FSHR: variants seen among roughly 807,000 people sequenced by gnomAD.
FSHR encodes the protein follicle stimulating hormone receptor, also known as follicle-stimulating hormone receptor.
FSHR carries 46 observed loss-of-function variants against 52.1 expected under a neutral mutation model. The observed-to-expected ratio is 0.88, with a 90% CI of 0.70 to 1.13. The LOEUF (loss-of-function observed/expected upper bound fraction) is 1.13. Among genes scored for constraint, FSHR ranks in the 50% most tolerant of loss-of-function variants. The pLI is 0.00. For synonymous variants in FSHR, 399 were observed against 309.6 expected (o/e 1.29, Z -3.03); for missense variants, 964 against 834.6 (o/e 1.16, Z -1.91).
At chr2:49,038,633 A>AAT (rs1186499143) in intron 2 of FSHR, among the ~76,000 whole-genome samples, 1 of 42,324 alleles carries the variant, frequency 2.4e-5, no homozygotes, top group Non-Finnish European at 4.9e-5. Context: ...TCAAAATAAT[A>AAT]ATAATAATAA....
At chr2:48,974,649 G>T (rs997704444) in intron 8 of FSHR, among the ~76,000 whole-genome samples, 3 of 152,206 alleles carry the variant, frequency 2.0e-5, no homozygotes, top group African/African-American at 7.2e-5. Flanking sequence ...ACTGTCTGAA[G>T]TGATCAAACA....
chr2:49,028,546 A>G (rs1457165686), intron 2 of FSHR, among the ~76,000 whole-genome samples: 1 of 152,252 alleles, frequency 6.6e-6, no homozygotes, highest in Non-Finnish European at 1.5e-5. Flanking sequence ...TGTGGCATGG[A>G]ATAGATTGCT....
intron 1 of FSHR, among the ~76,000 whole-genome samples, chr2:49,074,843 G>A (rs1251109823): frequency 6.6e-6 from 1 of 152,072 alleles, no homozygotes; most frequent in Non-Finnish European, 1.5e-5. Context: ...TTTAGCCATA[G>A]AATAAAATCC....
At chr2:49,021,873 A>ATATATATGTATG (rs1667724065) in intron 2 of FSHR, among the ~76,000 whole-genome samples, 1 of 53,128 alleles carries the variant, frequency 1.9e-5, no homozygotes, top group African/African-American at 7.6e-5. Flanking sequence ...CTATATATAT[A>ATATATATGTATG]TATATATATA....
At chr2:49,076,300 A>G (rs1453308990) in intron 1 of FSHR, among the ~76,000 whole-genome samples, 3 of 152,234 alleles carry the variant, frequency 2.0e-5, no homozygotes, top group Non-Finnish European at 2.9e-5. Flanking sequence ...CAATCATGAC[A>G]GAAGGCGAGG....
At position 49,148,169 on chromosome 2, in the gene FSHR, C is replaced by T. The variant is rs145512150; in HGVS notation, c.152+6097G>A. ...GATATTTTTGTTAGGTATAGAGAGG[C>T]AAGTATTATCACGTAAGTCAAGAGA... On this transcript the variant is annotated intron_variant, in intron 1 of 9. Coordinates refer to ENST00000406846, the MANE Select transcript of FSHR (RefSeq NM_000145.4). Among the ~76,000 whole-genome samples the T allele has an allele frequency of 3.7e-3, 556 of 151,998 alleles. 2 individuals carry two copies. Among genetic ancestry groups the T allele is most frequent in the African/African-American group, 0.013 (531 of 41,498 alleles).
intron 2 of FSHR, among the ~76,000 whole-genome samples, chr2:49,050,033 A>C (rs998458535): frequency 1.3e-5 from 2 of 152,086 alleles, no homozygotes; most frequent in African/African-American, 2.4e-5. Context: ...ACATCAACCC[A>C]AAAAGTGACA....
At chr2:48,999,409 G>A (rs1010831391) in intron 4 of FSHR, among the ~76,000 whole-genome samples, 11 of 151,986 alleles carry the variant, frequency 7.2e-5, no homozygotes, top group African/African-American at 2.4e-4. Flanking sequence ...TTTTCTTAAT[G>A]TAAAATTTGG....
chr2:49,054,550 G>C (rs1306912405), intron 2 of FSHR, among the ~76,000 whole-genome samples: 1 of 152,148 alleles, frequency 6.6e-6, no homozygotes, highest in Non-Finnish European at 1.5e-5. Context: ...AGGTAGACAT[G>C]CTTTCAAGCC....
intron 1 of FSHR, among the ~76,000 whole-genome samples, chr2:49,121,919 C>G (rs1671829300): frequency 6.6e-6 from 1 of 151,996 alleles, no homozygotes; most frequent in Admixed American, 6.6e-5. Flanking sequence ...GGATGTTTTT[C>G]CAGTTATTTA....
intron 1 of FSHR, among the ~76,000 whole-genome samples, chr2:49,087,446 T>G (rs1046921943): frequency 1.3e-5 from 2 of 152,168 alleles, no homozygotes; most frequent in African/African-American, 4.8e-5. Flanking sequence ...ATATTCACTG[T>G]GTTCCTATTC....
chr2:49,071,675 A>G (rs1669736810), intron 1 of FSHR, among the ~76,000 whole-genome samples: 1 of 151,006 alleles, frequency 6.6e-6, no homozygotes, highest in Non-Finnish European at 1.5e-5. Flanking sequence ...GAAAAAGTTT[A>G]TTTCACTCAT....
chr2:49,127,011 T>C (rs1672023938), intron 1 of FSHR, among the ~76,000 whole-genome samples: 1 of 151,974 alleles, frequency 6.6e-6, no homozygotes, highest in African/African-American at 2.4e-5. Flanking sequence ...AAGGGAGGCA[T>C]GTGGGAAAGA....
In FSHR at chr2:48,962,310, A is replaced by C. The variant is rs1674259191; in HGVS notation, c.*423T>G. ...CTCTGGGAAATTCTCTGGGAGTCGG[A>C]ATACCTAATCCTGGCTCTGCCTCTT... On this transcript the variant is annotated 3_prime_UTR_variant, in exon 10 of 10. Transcript: ENST00000406846. 9.4e-6 allele frequency: 2 copies of C among 213,436 alleles called. No individual in the cohort carries two copies. Among genetic ancestry groups the C allele is most frequent in the Non-Finnish European group, 1.9e-5 (2 of 105,336 alleles). The allele number at this position is 213,436 out of a possible 1,614,324, so 13.2% of individuals were successfully genotyped here.
At chr2:49,070,739 A>G (rs968248777) in intron 1 of FSHR, among the ~76,000 whole-genome samples, 8 of 152,214 alleles carry the variant, frequency 5.3e-5, no homozygotes, top group Non-Finnish European at 1.2e-4. Context: ...ACATAATTAA[A>G]TATTTTTGAT....
At chr2:48,971,186 C>T (rs888417164) in intron 8 of FSHR, among the ~76,000 whole-genome samples, 16 of 152,322 alleles carry the variant, frequency 1.1e-4, no homozygotes, top group East Asian at 5.8e-4. Context: ...CCCTTCTCTA[C>T]GCTCTTCTCT....
At chr2:49,063,513 T>C (rs1669389878) in intron 2 of FSHR, among the ~76,000 whole-genome samples, 1 of 152,084 alleles carries the variant, frequency 6.6e-6, no homozygotes, top group South Asian at 2.1e-4. Context: ...ATTCTATCAT[T>C]CACAGCAACA....
chr2:49,084,069 T>C (rs540477536), intron 1 of FSHR, among the ~76,000 whole-genome samples: 44 of 151,986 alleles, frequency 2.9e-4, no homozygotes, highest in African/African-American at 1.1e-3. Context: ...ACCACACCTA[T>C]TCCAAAATTG....
intron 4 of FSHR, among the ~76,000 whole-genome samples, chr2:48,998,901 C>T (rs1268415391): frequency 6.6e-6 from 1 of 152,024 alleles, no homozygotes; most frequent in Non-Finnish European, 1.5e-5. Context: ...GCATATTATT[C>T]ATCTTGATTT....
Sources: gnomAD v4.1 joint callset for allele counts (sites outside exome capture counted in the v4.1 genomes callset) on GRCh38, gnomAD v4.1.1 for gene constraint, MANE v1.5 for transcripts, NCBI Gene and HGNC (gene_info 2026-07-23, HGNC 2026-07-21) for gene names.